The following DAB1 variants were observed in gnomAD, a reference collection of about 807,000 sequenced individuals.
DAB1 encodes disabled homolog 1.
DAB1 carries 15 observed loss-of-function variants against 64.6 expected under a neutral mutation model. The ratio of observed to expected loss-of-function variants is 0.23; its 90% confidence interval spans 0.16 to 0.36. The LOEUF (loss-of-function observed/expected upper bound fraction) is 0.36, where lower values mean the gene tolerates loss of function less well. DAB1 is among the 10% of genes least tolerant of loss of function. The probability of loss-of-function intolerance (pLI) is 1.00; values close to 1 mark genes in which losing one functional copy is unlikely to be tolerated. For missense variants in DAB1, 596 were observed against 706.7 expected, an observed-to-expected ratio of 0.84 and a Z score of 1.78; for synonymous variants, 235 against 251.9, an observed-to-expected ratio of 0.93 and a Z score of 0.64.
At position 58,208,983 on chromosome 1, in the gene DAB1, G is replaced by C. The variant is rs139611739; in HGVS notation, n.310-58395C>G. On this transcript the variant is annotated intron_variant and non_coding_transcript_variant, in intron 4 of 20. Coordinates refer to the DAB1 transcript ENST00000485760. ...ATTAAGAGAAACCTGAACCAGATTAGGCCATTCAAGGAAGGCTTCCTAGAG... is the reference window on the plus strand; with the variant it reads ...ATTAAGAGAAACCTGAACCAGATTACGCCATTCAAGGAAGGCTTCCTAGAG... Among the ~76,000 whole-genome samples, 64 of 152,256 alleles carry C rather than the reference G, an allele frequency of 4.2e-4. 1 individual carries two copies. Among genetic ancestry groups the C allele is most frequent in the African/African-American group, 1.5e-3 (61 of 41,548 alleles).
intron 2 of DAB1, among the ~76,000 whole-genome samples, chr1:58,526,213 G>C (rs1352440738): frequency 6.6e-6 from 1 of 152,006 alleles, no homozygotes; most frequent in Admixed American, 6.6e-5. Flanking sequence ...CCTTATGTGG[G>C]AACTTCTTAG....
chr1:58,293,752 C>G lies in DAB1; in HGVS notation n.309+49600G>C, dbSNP rs138341978. Among the ~76,000 whole-genome samples, 343 of 152,304 alleles carry G rather than the reference C, an allele frequency of 2.3e-3. 4 individuals carry two copies. Among genetic ancestry groups the G allele is most frequent in the Middle Eastern group, 6.8e-3 (2 of 294 alleles). On this transcript the variant is annotated intron_variant and non_coding_transcript_variant, in intron 4 of 20. Transcript: ENST00000485760. ...AACAGGCAGAAGCCATAAGCCCCTT[C>G]CTTTTGTTGAACTGTCTCATTTTCT...
intron 2 of DAB1, among the ~76,000 whole-genome samples, chr1:57,147,877 C>A (rs1198350028): frequency 1.3e-5 from 2 of 152,158 alleles, no homozygotes; most frequent in African/African-American, 2.4e-5. Flanking sequence ...TGTAACTTGT[C>A]CAAACTTACT....
At chr1:57,149,949 A>G (rs1327667168) in intron 2 of DAB1, among the ~76,000 whole-genome samples, 1 of 152,130 alleles carries the variant, frequency 6.6e-6, no homozygotes, top group Non-Finnish European at 1.5e-5. Flanking sequence ...TATTTTATGG[A>G]TGAAGAAACT....
intron 6 of DAB1, among the ~76,000 whole-genome samples, chr1:57,796,454 G>A (rs1381114103): frequency 6.6e-6 from 1 of 152,046 alleles, no homozygotes; most frequent in Non-Finnish European, 1.5e-5. Context: ...ATGAACCCGG[G>A]AGGTGGAGCT....
At chr1:57,706,915 A>G (rs1203647351) in intron 6 of DAB1, among the ~76,000 whole-genome samples, 1 of 152,048 alleles carries the variant, frequency 6.6e-6, no homozygotes, top group East Asian at 1.9e-4. Context: ...TCTACTAAAA[A>G]TACAAAAAAT....
intron 7 of DAB1, among the ~76,000 whole-genome samples, chr1:57,495,142 C>A (rs1482378657): frequency 6.6e-6 from 1 of 152,066 alleles, no homozygotes; most frequent in Non-Finnish European, 1.5e-5. Context: ...CCCCAAAGCT[C>A]AATGTGAGTT....
chr1:57,839,071 G>C (rs903629583), intron 1 of DAB1, among the ~76,000 whole-genome samples: 7 of 152,172 alleles, frequency 4.6e-5, no homozygotes, highest in African/African-American at 1.4e-4. Flanking sequence ...ATGAGCCACT[G>C]CACCCAGCCA....
At chr1:57,988,675 A>G (rs551481713) in intron 5 of DAB1, among the ~76,000 whole-genome samples, 14 of 152,192 alleles carry the variant, frequency 9.2e-5, no homozygotes, top group African/African-American at 3.1e-4. Context: ...TTAGACTCCA[A>G]AGGTTCCCTG....
intron 9 of DAB1, among the ~76,000 whole-genome samples, chr1:57,061,236 G>GT (rs1166194327): frequency 6.6e-6 from 1 of 150,948 alleles, no homozygotes; most frequent in Non-Finnish European, 1.5e-5. Context: ...GATGGGGGGG[G>GT]GGGGTGGTTT....
intron 2 of DAB1, among the ~76,000 whole-genome samples, chr1:57,272,610 G>T (rs192444566): frequency 1.5e-4 from 23 of 152,252 alleles, no homozygotes; most frequent in Non-Finnish European, 2.9e-4. Context: ...AGAGGATTTG[G>T]AACCTGCTCC....
At chr1:57,041,261 C>T (rs539271005) in intron 9 of DAB1, among the ~76,000 whole-genome samples, 17 of 152,292 alleles carry the variant, frequency 1.1e-4, no homozygotes, top group African/African-American at 3.9e-4. Context: ...ATTATCAAGG[C>T]ATTAATTTAA....
intron 7 of DAB1, among the ~76,000 whole-genome samples, chr1:57,495,418 T>C (rs1229772538): frequency 6.6e-6 from 1 of 152,200 alleles, no homozygotes; most frequent in Non-Finnish European, 1.5e-5. Context: ...CAAATAACTT[T>C]TCATTTCAAA....
chr1:58,186,786 T>C (rs1312383217), intron 4 of DAB1, among the ~76,000 whole-genome samples: 1 of 152,188 alleles, frequency 6.6e-6, no homozygotes, highest in East Asian at 1.9e-4. Flanking sequence ...GTTGACGGAA[T>C]TGGGCCAAGT....
At chr1:57,239,928 A>C (rs868457768) in intron 2 of DAB1, among the ~76,000 whole-genome samples, 1 of 152,348 alleles carries the variant, frequency 6.6e-6, no homozygotes, top group African/African-American at 2.4e-5. Flanking sequence ...CTGGGAATTC[A>C]TAGATGAAAA....
intron 7 of DAB1, among the ~76,000 whole-genome samples, chr1:57,579,751 C>G (rs1392497178): frequency 2.0e-5 from 3 of 152,142 alleles, no homozygotes; most frequent in Admixed American, 1.3e-4. Context: ...GAAACATTGA[C>G]CTAGTCTCTT....
chr1:58,324,186 A>G (rs1169408849), intron 4 of DAB1, among the ~76,000 whole-genome samples: 1 of 152,064 alleles, frequency 6.6e-6, no homozygotes, highest in East Asian at 1.9e-4. Context: ...ATATCATCTA[A>G]TTGTATTATA....
intron 3 of DAB1, among the ~76,000 whole-genome samples, chr1:58,493,035 A>G (rs892539069): frequency 2.0e-5 from 3 of 152,224 alleles, no homozygotes; most frequent in African/African-American, 4.8e-5. Flanking sequence ...CTGGCAAACC[A>G]AATCCAGCAG....
intron 2 of DAB1, among the ~76,000 whole-genome samples, chr1:57,153,052 A>C (rs7529943): frequency 6.6e-6 from 1 of 152,154 alleles, no homozygotes; most frequent in African/African-American, 2.4e-5. Context: ...TTGAGGCAGA[A>C]TCTCACTCTG....
Sources: gnomAD v4.1 joint callset for allele counts (sites outside exome capture counted in the v4.1 genomes callset) on GRCh38, gnomAD v4.1.1 for gene constraint, MANE v1.5 for transcripts, NCBI Gene and HGNC (gene_info 2026-07-23, HGNC 2026-07-21) for gene names.